Variants in ANO1 observed in about 807,000 individuals in gnomAD.
ANO1 encodes the protein anoctamin-1.
In ANO1, 59 loss-of-function variants were observed where a neutral mutation model predicts 124.0. The ratio of observed to expected loss-of-function variants is 0.48; its 90% CI spans 0.39 to 0.59. The LOEUF (loss-of-function observed/expected upper bound fraction) is 0.59. ANO1 is among the 20% of genes least tolerant of loss of function. The probability of loss-of-function intolerance (pLI) is 0.00; values close to 1 mark genes in which losing one functional copy is unlikely to be tolerated. For missense variants in ANO1, 1,059 were observed against 1,328.0 expected (o/e 0.80, Z 3.15); for synonymous variants, 529 against 532.0 (o/e 0.99, Z 0.08).
At chr11:70,101,220 G>A (rs763357163) in intron 2 of ANO1, among the ~76,000 whole-genome samples, 7 of 151,626 alleles carry the variant, frequency 4.6e-5, no homozygotes, top group East Asian at 2.0e-4. Flanking sequence ...TGGGACCGTC[G>A]CGTTCACAGG....
intron 1 of ANO1, among the ~76,000 whole-genome samples, chr11:70,005,359 T>C (rs1856466696): frequency 6.6e-6 from 1 of 152,200 alleles, no homozygotes; most frequent in African/African-American, 2.4e-5. Flanking sequence ...TATCAGAGCA[T>C]AAGGCTTTTC....
chr11:70,046,393 G>A (rs545732234), intron 1 of ANO1, among the ~76,000 whole-genome samples: 14 of 152,282 alleles, frequency 9.2e-5, no homozygotes, highest in African/African-American at 1.4e-4. Flanking sequence ...TGAGACCCCC[G>A]TATTCCAGTG....
chr11:70,010,155 G>T (rs181197423), intron 1 of ANO1, among the ~76,000 whole-genome samples: 2 of 57,362 alleles, frequency 3.5e-5, no homozygotes, highest in African/African-American at 1.2e-4. Flanking sequence ...GTGTGTGTGT[G>T]TGTGTGTGTG....
At chr11:70,058,825 G>T (rs1056935552) in intron 1 of ANO1, among the ~76,000 whole-genome samples, 2 of 152,140 alleles carry the variant, frequency 1.3e-5, no homozygotes, top group African/African-American at 2.4e-5. Flanking sequence ...ACGGTAAGGG[G>T]TATGAAGGTT....
At chr11:70,091,377 A>C (rs1467226084) in intron 2 of ANO1, among the ~76,000 whole-genome samples, 2 of 152,102 alleles carry the variant, frequency 1.3e-5, no homozygotes, top group Non-Finnish European at 2.9e-5. Context: ...TGTCTATGAC[A>C]CCCACCCCCA....
intron 1 of ANO1, among the ~76,000 whole-genome samples, chr11:69,990,854 T>C (rs55757217): frequency 0.33 from 49,479 of 152,142 alleles, 8,187 homozygotes; most frequent in Admixed American, 0.34. Context: ...TTTATAGAGC[T>C]TGGATATTAA....
upstream of ANO1, among the ~76,000 whole-genome samples, chr11:69,985,724 G>A (rs1053497708): frequency 1.3e-5 from 2 of 152,168 alleles, no homozygotes; most frequent in South Asian, 2.1e-4. Flanking sequence ...GCAGCGGGAG[G>A]CCGGGGGCGG....
chr11:69,989,571 G>A (rs1554997223), intron 1 of ANO1, among the ~76,000 whole-genome samples: 1 of 152,092 alleles, frequency 6.6e-6, no homozygotes, highest in Non-Finnish European at 1.5e-5. Flanking sequence ...AGGGCCACTG[G>A]AACCATGGGA....
In ANO1 at chr11:70,107,152, A is replaced by G. The variant is rs114086857; in HGVS notation, c.748-1201A>G. ...CGATTAGATCTGAGGGATGATGGGG[A>G]GGGAGCCATTGAGAACAGCCTAGTG... On this transcript the variant is annotated intron_variant, in intron 5 of 25. Coordinates refer to ENST00000355303, the MANE Select transcript of ANO1 (RefSeq NM_018043.7). Among the ~76,000 whole-genome samples, 1,135 of 152,254 alleles carry G rather than the reference A, an allele frequency of 7.5e-3. 16 individuals are homozygous for G. Among genetic ancestry groups the G allele is most frequent in the African/African-American group, 0.026 (1,065 of 41,538 alleles).
At chr11:70,033,204 A>G (rs894271554) in intron 1 of ANO1, among the ~76,000 whole-genome samples, 4 of 151,996 alleles carry the variant, frequency 2.6e-5, no homozygotes, top group African/African-American at 7.3e-5. Flanking sequence ...CTGCCAAGGG[A>G]CCTGCTTGCT....
At chr11:70,058,979 C>T (rs1857504709) in intron 1 of ANO1, among the ~76,000 whole-genome samples, 1 of 151,018 alleles carries the variant, frequency 6.6e-6, no homozygotes, top group Admixed American at 6.6e-5. Flanking sequence ...GTCAGGAGAT[C>T]AAGACCATCC....
At chr11:70,055,103 G>T (rs1431895863) in intron 1 of ANO1, among the ~76,000 whole-genome samples, 1 of 152,044 alleles carries the variant, frequency 6.6e-6, no homozygotes, top group Admixed American at 6.6e-5. Context: ...TGTTTCTGTT[G>T]TTATCAGAGG....
chr11:70,181,970 C>T (rs2048944975), intron 23 of ANO1, among the ~76,000 whole-genome samples: 1 of 152,144 alleles, frequency 6.6e-6, no homozygotes, highest in Admixed American at 6.5e-5. Flanking sequence ...CAAGGCCACA[C>T]AGCCATGTGA....
At position 70,111,756 on chromosome 11, in the gene ANO1, G is replaced by T. The variant is rs772384679; in HGVS notation, c.849G>T (p.Leu283=). Residue 283 remains leucine, a synonymous_variant, in exon 7 of 26, where the codon CTG becomes CTT. Coordinates refer to ENST00000355303, the MANE Select transcript of ANO1 (RefSeq NM_018043.7). ...GTGTGTACGCGGCTGCATACCCACT[G>T]CACGATGTAAGTAACCTTGACACAC... is the stretch of plus-strand genomic sequence containing the variant. ...ANGVYAAAYP[L]HDGDYNGENV... is the part of the protein sequence containing the mutation. 3 of 1,614,006 alleles carry T rather than the reference G, an allele frequency of 1.9e-6. No homozygotes were observed. The Admixed American group carries it at 5.0e-5, about 27-fold the overall frequency.
chr11:70,144,102 G>A (rs1337050073), intron 11 of ANO1, among the ~76,000 whole-genome samples: 2 of 151,926 alleles, frequency 1.3e-5, no homozygotes, highest in Non-Finnish European at 2.9e-5. Flanking sequence ...CTCCAGAGCA[G>A]CTACATAAAA....
intron 9 of ANO1, 111 bp downstream of exon 9, chr11:70,124,525 G>A (rs1244248552): frequency 8.7e-7 from 1 of 1,153,256 alleles, no homozygotes; most frequent in East Asian, 2.5e-5. Flanking sequence ...GAACGTGTTT[G>A]AACTCAAAGA....
chr11:70,119,929 G>A (rs1332481304), intron 8 of ANO1, among the ~76,000 whole-genome samples: 1 of 152,078 alleles, frequency 6.6e-6, no homozygotes, highest in Non-Finnish European at 1.5e-5. Flanking sequence ...AGAAAAGGAG[G>A]GAAGGAGGGA....
chr11:70,029,204 G>A (rs528667567), intron 1 of ANO1, among the ~76,000 whole-genome samples: 7 of 152,226 alleles, frequency 4.6e-5, no homozygotes, highest in Non-Finnish European at 1.0e-4. Context: ...CACGAGCAGA[G>A]CCTTCCATGC....
intron 18 of ANO1, 34 bp from the exon 19 acceptor site, chr11:70,163,246 CTCA>C (rs2048124991): frequency 6.2e-7 from 1 of 1,606,768 alleles, no homozygotes; most frequent in African/African-American, 1.3e-5. Flanking sequence ...GAGCCAGGGG[CTCA>C]TCTTTTCTCT....
Sources: allele counts gnomAD v4.1 joint callset (sites outside exome capture counted in the v4.1 genomes callset), GRCh38; gene constraint gnomAD v4.1.1; transcripts MANE v1.5; gene names NCBI Gene and HGNC (gene_info 2026-07-23, HGNC 2026-07-21).